The following KPNA6 variants were observed in gnomAD, a reference collection of about 807,000 sequenced individuals.
KPNA6 encodes the protein karyopherin subunit alpha 6.
A neutral mutation model predicts 72.0 loss-of-function variants in KPNA6; 9 were observed. That is an observed-to-expected ratio of 0.13 (90% CI 0.08 to 0.22). KPNA6 has a LOEUF of 0.22. KPNA6 is among the 10% of genes least tolerant of loss of function. The pLI, the probability that KPNA6 is intolerant of heterozygous loss-of-function variation, is 1.00. For missense variants in KPNA6, 374 were observed against 655.7 expected (o/e 0.57, Z 4.69); for synonymous variants, 219 against 242.1 (o/e 0.90, Z 0.89).
chr1:32,123,195 A>C (rs1031223362), intron 1 of KPNA6, among the ~76,000 whole-genome samples: 1 of 152,096 alleles, frequency 6.6e-6, no homozygotes, highest in Non-Finnish European at 1.5e-5. Flanking sequence ...GATTATTCCC[A>C]TGTTTCTGGG....
At chr1:32,108,216 C>T in intron 1 of KPNA6, 82 bp downstream of exon 1, 1 of 1,585,304 alleles carries the variant, frequency 6.3e-7, no homozygotes, top group South Asian at 1.1e-5. Context: ...TGTCTCCGGT[C>T]TGCGGAAGAT....
In KPNA6 at chr1:32,162,361, GTC is replaced by G; in HGVS notation, c.753_754del (p.Pro252LeufsTer29). On this transcript the variant is annotated frameshift_variant and splice_region_variant, in exon 9 of 14. Coordinates refer to ENST00000373625, the MANE Select transcript of KPNA6 (RefSeq NM_012316.5). LOFTEE classifies it high-confidence loss of function. ...GTCTTTCTCACTCTGCTTCCCACAG[GTC>G]TCTCCTTGTTTGCCTGTACTGTCTC... ...GKNPPPEFAK[V>X]SPCLPVLSRL... 1 of 1,586,974 alleles carries G rather than the reference GTC, an allele frequency of 6.3e-7. No homozygotes were observed. The highest frequency in any genetic ancestry group is 8.6e-7 in the Non-Finnish European group (1 of 1,168,008).
At chr1:32,154,422 C>T (rs1193121659) in intron 1 of KPNA6, among the ~76,000 whole-genome samples, 166 bp from the exon 2 acceptor site, 1 of 125,190 alleles carries the variant, frequency 8.0e-6, no homozygotes, top group East Asian at 2.7e-4. Context: ...TTAAAAGATA[C>T]TGGGGCTGGG....
At chr1:32,120,027 C>T (rs897087461) in intron 1 of KPNA6, among the ~76,000 whole-genome samples, 3 of 151,678 alleles carry the variant, frequency 2.0e-5, no homozygotes, top group African/African-American at 4.8e-5. Flanking sequence ...TGAGCCACCA[C>T]GCCCGGCCTG....
intron 1 of KPNA6, among the ~76,000 whole-genome samples, chr1:32,133,201 G>A (rs1481043480): frequency 6.6e-6 from 1 of 151,842 alleles, no homozygotes; most frequent in Non-Finnish European, 1.5e-5. Context: ...AAAATTAGCC[G>A]GGTGTGGTGG....
At chr1:32,124,194 C>CA (rs1641489764) in intron 1 of KPNA6, among the ~76,000 whole-genome samples, 1 of 151,826 alleles carries the variant, frequency 6.6e-6, no homozygotes, top group African/African-American at 2.4e-5. Flanking sequence ...GCAACATGAT[C>CA]AAACCCCGTG....
chr1:32,140,636 G>A (rs914711432), intron 1 of KPNA6, among the ~76,000 whole-genome samples: 1 of 151,936 alleles, frequency 6.6e-6, no homozygotes, highest in Non-Finnish European at 1.5e-5. Context: ...AAAATAGTTC[G>A]GCTATTCTTG....
chr1:32,128,408 TATATATATATATATATATACAC>T (rs1249536667), intron 1 of KPNA6, among the ~76,000 whole-genome samples: 2 of 128,196 alleles, frequency 1.6e-5, no homozygotes, highest in African/African-American at 6.2e-5. Context: ...TATATATATA[TATATATATATATATATATACAC>T]ACACACACAC....
rs1642441323 is a variant in KPNA6, at chr1:32,171,745, T to G, written c.*851T>G. The G allele has an allele frequency of 6.6e-6, 1 of 152,240 alleles. No individual in the cohort carries two copies. Among genetic ancestry groups the G allele is most frequent in the Non-Finnish European group, 1.5e-5 (1 of 68,068 alleles). The allele number at this position is 152,240 out of a possible 1,614,324, so 9.4% of individuals were successfully genotyped here. ...TAGCTACTGATCCCATATTTCCTAC[T>G]CACCTTCCAAATGGTGCGACCCAAC... On this transcript the variant is annotated 3_prime_UTR_variant, in exon 14 of 14. Transcript: ENST00000373625.
chr1:32,154,739 T>C lies in KPNA6; in HGVS notation c.138+18T>C, dbSNP rs1046502670. The stretch of plus-strand genomic sequence containing the variant: ...AGCAACAAGTGAGTTAATGGGAGTA[T>C]TCTCAAACATACTATTCTGGGAAAC... On this transcript the variant is annotated intron_variant, in intron 2 of 13. Transcript: ENST00000373625. 4.3e-6 allele frequency: 7 copies of C among 1,613,118 alleles called. No individual in the cohort carries two copies. The highest frequency in any genetic ancestry group is 2.2e-5 in the East Asian group (1 of 44,864).
At chr1:32,133,838 G>A (rs572332872) in intron 1 of KPNA6, among the ~76,000 whole-genome samples, 3 of 152,050 alleles carry the variant, frequency 2.0e-5, no homozygotes, top group South Asian at 2.1e-4. Context: ...TCAGGAGTTC[G>A]AGACCAGCCT....
chr1:32,146,057 A>C (rs1406014204), intron 1 of KPNA6, among the ~76,000 whole-genome samples: 1 of 152,166 alleles, frequency 6.6e-6, no homozygotes, highest in Non-Finnish European at 1.5e-5. Context: ...TCTATACTTG[A>C]GAAGAATGTA....
At position 32,176,073 on chromosome 1, in the gene KPNA6, GC is replaced by G. The variant is rs1341952547; in HGVS notation, c.*5180del. 1.3e-5 allele frequency: 2 copies of G among 152,050 alleles called. No individual in the cohort carries two copies. The highest frequency in any genetic ancestry group is 2.9e-5 in the Non-Finnish European group (2 of 68,036). 9.4% of individuals were successfully genotyped at this position (152,050 alleles called of 1,614,324 possible). A position where few individuals can be genotyped will look rare whatever the true frequency, so the allele number is the denominator to read the frequency against. ...GTGAGCCAAGATTGTGCCAGCCTGGGCGACAGGGTGAGGCTCTTGTCTCAAA... is the reference window on the plus strand; with the variant it reads ...GTGAGCCAAGATTGTGCCAGCCTGGGGACAGGGTGAGGCTCTTGTCTCAAA... On this transcript the variant is annotated 3_prime_UTR_variant, in exon 14 of 14. Coordinates refer to ENST00000373625, the MANE Select transcript of KPNA6 (RefSeq NM_012316.5).
At chr1:32,120,522 A>G (rs1641413542) in intron 1 of KPNA6, among the ~76,000 whole-genome samples, 2 of 151,506 alleles carry the variant, frequency 1.3e-5, no homozygotes, top group Admixed American at 6.6e-5. Context: ...TGCTGAGATT[A>G]TGGGCTTAAG....
intron 1 of KPNA6, among the ~76,000 whole-genome samples, chr1:32,122,977 G>T (rs926922553): frequency 2.0e-5 from 3 of 146,834 alleles, no homozygotes; most frequent in Admixed American, 6.8e-5. Flanking sequence ...AAAAAAAAAA[G>T]TTTGGGTGTA....
rs1231183107 is a variant in KPNA6, at chr1:32,175,927, G to A, written c.*5033G>A. 7 of 151,196 alleles carry A rather than the reference G, an allele frequency of 4.6e-5. No homozygotes were observed. The highest frequency in any genetic ancestry group is 1.9e-4 in the East Asian group (1 of 5,172). 9.4% of individuals were successfully genotyped at this position (151,196 alleles called of 1,614,324 possible). The stretch of plus-strand genomic sequence containing the variant: ...AGCCTGACCAACATAGTAAAACCCC[G>A]TCCCTACAAAAATAAAAAAATAAAA... On this transcript the variant is annotated 3_prime_UTR_variant, in exon 14 of 14. Transcript: ENST00000373625.
At chr1:32,157,084 T>G (rs1371285961) in intron 3 of KPNA6, 139 bp downstream of exon 3, 1 of 649,032 alleles carries the variant, frequency 1.5e-6, no homozygotes, top group Non-Finnish European at 2.7e-6. Context: ...TCGTCAGCTT[T>G]AGGAGTCAAC....
chr1:32,146,845 C>T (rs1259122609), intron 1 of KPNA6, among the ~76,000 whole-genome samples: 1 of 151,550 alleles, frequency 6.6e-6, no homozygotes, highest in Non-Finnish European at 1.5e-5. Context: ...ACCTGAAGGG[C>T]TCCCATTAGT....
chr1:32,115,613 C>T (rs74624006), intron 1 of KPNA6, among the ~76,000 whole-genome samples: 3,793 of 152,112 alleles, frequency 0.025, 52 homozygotes, highest in Non-Finnish European at 0.031. Flanking sequence ...TTTTGTGAGA[C>T]AGTGTGTCAC....
Sources: allele counts gnomAD v4.1 joint callset (sites outside exome capture counted in the v4.1 genomes callset), GRCh38; gene constraint gnomAD v4.1.1; transcripts MANE v1.5; gene names NCBI Gene and HGNC (gene_info 2026-07-23, HGNC 2026-07-21).